Variants in ZBTB20 observed in about 807,000 individuals in gnomAD.
The protein encoded by ZBTB20 is zinc finger and BTB domain containing 20.
A neutral mutation model predicts 56.9 loss-of-function variants in ZBTB20; 9 were observed. The observed-to-expected ratio is 0.16, with a 90% CI of 0.10 to 0.28. The LOEUF is 0.28. Among genes scored for constraint, ZBTB20 ranks in the 10% least tolerant of loss-of-function variants. The pLI, the probability that ZBTB20 is intolerant of heterozygous loss-of-function variation, is 1.00. For missense variants in ZBTB20, 655 were observed against 1,003.0 expected (o/e 0.65, Z 4.69); for synonymous variants, 417 against 420.7 (o/e 0.99, Z 0.11).
At chr3:114,518,071 T>C (rs1468323020) in intron 6 of ZBTB20, among the ~76,000 whole-genome samples, 2 of 152,162 alleles carry the variant, frequency 1.3e-5, no homozygotes, top group Non-Finnish European at 2.9e-5. Context: ...GGAGATCACC[T>C]GGGTCAGAGG....
chr3:114,622,334 T>G (rs2058377258), intron 6 of ZBTB20, among the ~76,000 whole-genome samples: 1 of 152,088 alleles, frequency 6.6e-6, no homozygotes, highest in South Asian at 2.1e-4. Context: ...AGATAACTAA[T>G]GAAAATTACC....
chr3:114,969,425 T>C (rs1209959366), intron 3 of ZBTB20, among the ~76,000 whole-genome samples: 4 of 152,066 alleles, frequency 2.6e-5, no homozygotes, highest in African/African-American at 9.7e-5. Flanking sequence ...AAGTACACAA[T>C]TATACAATAA....
intron 6 of ZBTB20, among the ~76,000 whole-genome samples, chr3:114,593,627 A>G: frequency 6.6e-6 from 1 of 151,832 alleles, no homozygotes; most frequent in East Asian, 1.9e-4. Flanking sequence ...CTGGTGATCC[A>G]CCCACCTTGG....
intron 2 of ZBTB20, among the ~76,000 whole-genome samples, chr3:115,004,693 T>C (rs988871406): frequency 5.9e-5 from 9 of 151,786 alleles, no homozygotes; most frequent in African/African-American, 1.7e-4. Flanking sequence ...TTTTGCTCTA[T>C]ATTAAAGGGC....
At chr3:115,065,025 C>T (rs2082157833) in intron 2 of ZBTB20, among the ~76,000 whole-genome samples, 1 of 152,086 alleles carries the variant, frequency 6.6e-6, no homozygotes, top group Admixed American at 6.6e-5. Flanking sequence ...ACAGTTTCCT[C>T]CCTATCATTT....
intron 1 of ZBTB20, among the ~76,000 whole-genome samples, chr3:115,077,846 T>C (rs1371903256): frequency 1.3e-5 from 2 of 152,160 alleles, no homozygotes; most frequent in Non-Finnish European, 2.9e-5. Flanking sequence ...AAATTAAAAA[T>C]AGAACTGTTA....
chr3:115,141,973 T>C (rs1226855181), intron 1 of ZBTB20, among the ~76,000 whole-genome samples: 1 of 152,256 alleles, frequency 6.6e-6, no homozygotes, highest in Non-Finnish European at 1.5e-5. Flanking sequence ...TAAGGTTCCA[T>C]GAACTCTGCA....
chr3:115,095,634 G>A (rs137974096), intron 1 of ZBTB20, among the ~76,000 whole-genome samples: 85 of 152,142 alleles, frequency 5.6e-4, no homozygotes, highest in Middle Eastern at 6.8e-3. Context: ...TTCTAACACC[G>A]GCTGTAGTGG....
intron 2 of ZBTB20, among the ~76,000 whole-genome samples, chr3:115,006,496 G>C (rs1002283005): frequency 1.2e-4 from 18 of 150,194 alleles, no homozygotes; most frequent in African/African-American, 4.2e-4. Flanking sequence ...TTTGTCCTTA[G>C]TAAAGCTTGA....
chr3:114,793,173 C>T (rs534304583), intron 5 of ZBTB20, among the ~76,000 whole-genome samples: 1 of 152,030 alleles, frequency 6.6e-6, no homozygotes, highest in Non-Finnish European at 1.5e-5. Flanking sequence ...AGCCACCGTG[C>T]CTGGCCCCAA....
intron 11 of ZBTB20, among the ~76,000 whole-genome samples, chr3:114,347,316 C>A (rs2080277500): frequency 6.6e-6 from 1 of 152,000 alleles, no homozygotes; most frequent in Non-Finnish European, 1.5e-5. Flanking sequence ...GTTTGCATAG[C>A]AGCTGTAATG....
chr3:114,690,805 G>A (rs1045015831), intron 6 of ZBTB20, among the ~76,000 whole-genome samples: 2 of 152,078 alleles, frequency 1.3e-5, no homozygotes, highest in African/African-American at 4.8e-5. Flanking sequence ...TTTAAAGCCA[G>A]TGTTACATTT....
At chr3:114,866,507 G>A (rs1162338930) in intron 4 of ZBTB20, among the ~76,000 whole-genome samples, 1 of 152,138 alleles carries the variant, frequency 6.6e-6, no homozygotes, top group Non-Finnish European at 1.5e-5. Flanking sequence ...TGAGCCACAG[G>A]GTGCTCAGAC....
At chr3:114,434,775 C>G (rs1276811079) in intron 7 of ZBTB20, among the ~76,000 whole-genome samples, 1 of 152,042 alleles carries the variant, frequency 6.6e-6, no homozygotes, top group Non-Finnish European at 1.5e-5. Flanking sequence ...TTTAGAGCAT[C>G]AAAAGTGTAG....
At chr3:114,769,544 C>G (rs916931907) in intron 5 of ZBTB20, among the ~76,000 whole-genome samples, 5 of 114,032 alleles carry the variant, frequency 4.4e-5, no homozygotes, top group African/African-American at 2.1e-4. Flanking sequence ...TTACTGTGTG[C>G]CAAAATGCAT....
At chr3:114,481,340 C>A (rs1226188354) in intron 7 of ZBTB20, among the ~76,000 whole-genome samples, 1 of 151,816 alleles carries the variant, frequency 6.6e-6, no homozygotes, top group Non-Finnish European at 1.5e-5. Flanking sequence ...TCACACGCAT[C>A]CTACTACTCT....
intron 6 of ZBTB20, among the ~76,000 whole-genome samples, chr3:114,562,200 G>A (rs541882819): frequency 6.6e-6 from 1 of 150,532 alleles, no homozygotes; most frequent in Admixed American, 6.6e-5. Context: ...TTTTGAGACG[G>A]TGTCACTAGG....
chr3:115,024,306 T>C (rs1322743598), intron 2 of ZBTB20, among the ~76,000 whole-genome samples: 4 of 150,978 alleles, frequency 2.6e-5, no homozygotes, highest in Admixed American at 6.6e-5. Context: ...TTAGGCCTTC[T>C]TTGACACGGA....
At chr3:114,886,772 T>C (rs1215454516) in intron 4 of ZBTB20, among the ~76,000 whole-genome samples, 2 of 152,150 alleles carry the variant, frequency 1.3e-5, no homozygotes, top group Non-Finnish European at 2.9e-5. Flanking sequence ...TCCATGAAAT[T>C]CATAAAAAAT....
Sources: gnomAD v4.1 joint callset for allele counts (sites outside exome capture counted in the v4.1 genomes callset) on GRCh38, gnomAD v4.1.1 for gene constraint, MANE v1.5 for transcripts, NCBI Gene and HGNC (gene_info 2026-07-23, HGNC 2026-07-21) for gene names.